IMPG1: variants seen among roughly 807,000 people sequenced by gnomAD.
The protein encoded by IMPG1 is interphotoreceptor matrix proteoglycan 1.
Under a neutral mutation model 92.0 loss-of-function variants are expected in IMPG1, and 85 were observed. The observed-to-expected ratio is 0.92, with a 90% CI of 0.78 to 1.11. IMPG1 has a LOEUF of 1.11. Ranked by LOEUF, IMPG1 falls within the 50% of genes least tolerant of loss-of-function variation. IMPG1 has a pLI of 0.00. For missense variants in IMPG1, 1,022 were observed against 956.0 expected (o/e 1.07, Z -0.91); for synonymous variants, 367 against 334.1 (o/e 1.10, Z -1.08).
intron 1 of IMPG1, among the ~76,000 whole-genome samples, chr6:76,046,604 C>A (rs1783948223): frequency 6.6e-6 from 1 of 152,132 alleles, no homozygotes; most frequent in Admixed American, 6.6e-5. Flanking sequence ...ACCAATGGTA[C>A]ACAGGGCCTG....
At chr6:76,066,055 C>A (rs944872219) in intron 1 of IMPG1, among the ~76,000 whole-genome samples, 3 of 152,018 alleles carry the variant, frequency 2.0e-5, no homozygotes, top group African/African-American at 4.8e-5. Flanking sequence ...TAGACCACCC[C>A]TATGAGAAAT....
At chr6:75,924,670 T>TAA (rs1562335106) in intron 15 of IMPG1, among the ~76,000 whole-genome samples, 3 of 4,416 alleles carry the variant, frequency 6.8e-4, no homozygotes, top group Non-Finnish European at 9.8e-4. Flanking sequence ...ATATAATAAA[T>TAA]TATATATTAT....
At chr6:76,009,229 T>C (rs897089535) in intron 8 of IMPG1, among the ~76,000 whole-genome samples, 2 of 152,212 alleles carry the variant, frequency 1.3e-5, no homozygotes, top group Admixed American at 6.5e-5. Context: ...GTTAATAGTT[T>C]TCCACCTTTG....
At chr6:75,925,726 C>T (rs1371363401) in intron 15 of IMPG1, among the ~76,000 whole-genome samples, 1 of 152,102 alleles carries the variant, frequency 6.6e-6, no homozygotes, top group Admixed American at 6.5e-5. Context: ...AGTGCAGTGG[C>T]ATGATCTTGG....
chr6:75,967,642 A>G (rs1782329524), intron 12 of IMPG1, among the ~76,000 whole-genome samples: 1 of 152,182 alleles, frequency 6.6e-6, no homozygotes, highest in South Asian at 2.1e-4. Context: ...AAAGTCTTGA[A>G]TCTCAAGGAT....
At chr6:76,072,371 C>T (rs374650813) in intron 1 of IMPG1, 51 bp downstream of exon 1, 73 of 984,418 alleles carry the variant, frequency 7.4e-5, no homozygotes, top group Admixed American at 1.4e-4. Context: ...TCACTTCTAT[C>T]GGTAGATTTT....
intron 12 of IMPG1, among the ~76,000 whole-genome samples, chr6:75,959,653 G>A (rs553736442): frequency 6.6e-6 from 1 of 152,244 alleles, no homozygotes; most frequent in South Asian, 2.1e-4. Context: ...CTTCTTGGTG[G>A]CTTCCGCTGT....
At chr6:75,970,293 C>T (rs1782384915) in intron 12 of IMPG1, among the ~76,000 whole-genome samples, 1 of 151,496 alleles carries the variant, frequency 6.6e-6, no homozygotes, top group African/African-American at 2.4e-5. Context: ...ATGGGTGTTG[C>T]CTTGAGCAGT....
chr6:75,967,987 G>T (rs1205288261), intron 12 of IMPG1, among the ~76,000 whole-genome samples: 1 of 152,184 alleles, frequency 6.6e-6, no homozygotes, highest in East Asian at 1.9e-4. Context: ...CAGAACTCAG[G>T]AATGGAGACG....
chr6:76,058,864 G>A (rs1167740091), intron 1 of IMPG1, among the ~76,000 whole-genome samples: 1 of 152,164 alleles, frequency 6.6e-6, no homozygotes, highest in Non-Finnish European at 1.5e-5. Flanking sequence ...AAAAGCAAAA[G>A]CTAAGTTTTC....
chr6:75,975,366 T>C (rs1330796145), intron 12 of IMPG1, among the ~76,000 whole-genome samples: 1 of 152,230 alleles, frequency 6.6e-6, no homozygotes, highest in Non-Finnish European at 1.5e-5. Context: ...AAAATTAATG[T>C]AGTTTAGTTT....
At chr6:75,969,099 A>G (rs1377118806) in intron 12 of IMPG1, among the ~76,000 whole-genome samples, 1 of 152,176 alleles carries the variant, frequency 6.6e-6, no homozygotes, top group Admixed American at 6.5e-5. Context: ...GGAATCTACA[A>G]AAGTCAAACT....
intron 14 of IMPG1, among the ~76,000 whole-genome samples, chr6:75,932,289 T>G (rs9360959): frequency 0.26 from 39,486 of 152,188 alleles, 5,663 homozygotes; most frequent in Non-Finnish European, 0.34. Flanking sequence ...ATATTGGCCC[T>G]CTTTGCTAAT....
rs550046796 is a variant in IMPG1, at chr6:75,933,032, C to T, written c.2045-1881G>A. ...CTCTTTCTTAATACATCCCAGAGCA[C>T]ATGTACAAGACAAATTAGTTTGAAC... On this transcript the variant is annotated intron_variant, in intron 14 of 16. Coordinates refer to ENST00000369950, the MANE Select transcript of IMPG1 (RefSeq NM_001563.4). Among the ~76,000 whole-genome samples, 7 of 152,222 alleles carry T rather than the reference C, an allele frequency of 4.6e-5. No homozygotes were observed. In the East Asian group the frequency reaches 1.4e-3, roughly 29 times the overall value.
intron 12 of IMPG1, among the ~76,000 whole-genome samples, chr6:75,971,576 A>G (rs772539821): frequency 2.6e-5 from 4 of 152,190 alleles, no homozygotes; most frequent in Non-Finnish European, 5.9e-5. Context: ...TAATTTACAC[A>G]TCCATTGCAT....
At chr6:75,945,849 T>C (rs1304063827) in intron 14 of IMPG1, among the ~76,000 whole-genome samples, 2 of 152,160 alleles carry the variant, frequency 1.3e-5, no homozygotes, top group Non-Finnish European at 2.9e-5. Context: ...GGCATCTACA[T>C]TGAGAAGCTG....
At chr6:75,935,985 A>C (rs1781737913) in intron 14 of IMPG1, among the ~76,000 whole-genome samples, 1 of 152,202 alleles carries the variant, frequency 6.6e-6, no homozygotes, top group African/African-American at 2.4e-5. Flanking sequence ...CTGAGGGTTC[A>C]TCTGAGATGT....
chr6:75,965,234 G>A (rs748545582), intron 12 of IMPG1, among the ~76,000 whole-genome samples: 5 of 152,118 alleles, frequency 3.3e-5, no homozygotes, highest in Non-Finnish European at 7.4e-5. Flanking sequence ...TAGCTTGCAT[G>A]GTAGCCGTAT....
chr6:76,061,256 A>G (rs2019609), intron 1 of IMPG1, among the ~76,000 whole-genome samples: 129,108 of 152,250 alleles, frequency 0.85, 55,917 homozygotes, highest in Non-Finnish European at 0.94. Flanking sequence ...TCATTTGTAC[A>G]TGAAGTATCT....
Sources: allele counts gnomAD v4.1 joint callset (sites outside exome capture counted in the v4.1 genomes callset), GRCh38; gene constraint gnomAD v4.1.1; transcripts MANE v1.5; gene names NCBI Gene and HGNC (gene_info 2026-07-23, HGNC 2026-07-21).